The following DSG4 variants were observed in gnomAD, a reference collection of about 807,000 sequenced individuals.
DSG4 encodes the protein desmoglein-4.
DSG4 carries 87 observed loss-of-function variants against 93.1 expected under a neutral mutation model. The ratio of observed to expected loss-of-function variants is 0.93; its 90% CI spans 0.79 to 1.12. The LOEUF (loss-of-function observed/expected upper bound fraction) is 1.12, where lower values mean the gene tolerates loss of function less well. Ranked by LOEUF, DSG4 falls within the 50% of genes most tolerant of loss-of-function variation. DSG4 has a pLI of 0.00. For missense variants in DSG4, 1,373 were observed against 1,285.7 expected (o/e 1.07, Z -1.04); for synonymous variants, 432 against 452.9 (o/e 0.95, Z 0.59).
chr18:31,401,708 C>T (rs2072369680), intron 10 of DSG4: 1 of 152,116 alleles, frequency 6.6e-6, no homozygotes, highest in African/African-American at 2.4e-5. Flanking sequence ...AAACCAGCTG[C>T]TGTAGAACCA....
chr18:31,386,345 A>G (rs1291640460), intron 2 of DSG4, among the ~76,000 whole-genome samples: 2 of 152,164 alleles, frequency 1.3e-5, no homozygotes, highest in East Asian at 1.9e-4. Context: ...TGAAAGCTCA[A>G]TGAAGGGTGA....
intron 1 of DSG4, among the ~76,000 whole-genome samples, chr18:31,380,893 C>G (rs1264309243): frequency 6.6e-6 from 1 of 151,996 alleles, no homozygotes; most frequent in African/African-American, 2.4e-5. Context: ...TGCTTAGAGT[C>G]TACATATCTT....
intron 1 of DSG4, among the ~76,000 whole-genome samples, chr18:31,379,018 C>T (rs4799569): frequency 0.71 from 107,910 of 152,010 alleles, 39,097 homozygotes; most frequent in East Asian, 0.9. Flanking sequence ...CCGCAAAGAG[C>T]ACTGTAAACA....
At chr18:31,392,041 T>G (rs937360610) in intron 7 of DSG4, 114 bp from the exon 8 acceptor site, 16 of 975,760 alleles carry the variant, frequency 1.6e-5, no homozygotes, top group Non-Finnish European at 2.5e-5. Flanking sequence ...TTAATAATGG[T>G]GCAAAAATCA....
chr18:31,385,078 C>T, intron 1 of DSG4, 58 bp from the exon 2 acceptor site: 9 of 1,379,476 alleles, frequency 6.5e-6, no homozygotes, highest in Non-Finnish European at 9.3e-6. Context: ...GTTTTTATGA[C>T]ATGGCTTCCT....
At chr18:31,402,175 C>G (rs372612897) in intron 10 of DSG4, among the ~76,000 whole-genome samples, 1 of 152,178 alleles carries the variant, frequency 6.6e-6, no homozygotes, top group African/African-American at 2.4e-5. Context: ...AGAAACAAAG[C>G]TGATTGTTTA....
At chr18:31,392,693 GA>G (rs1331697687) in intron 8 of DSG4, among the ~76,000 whole-genome samples, 1 of 152,134 alleles carries the variant, frequency 6.6e-6, no homozygotes, top group Non-Finnish European at 1.5e-5. Context: ...AGTGGAATAT[GA>G]AATAATGAAA....
At chr18:31,387,289 G>A (rs2072198718) in intron 3 of DSG4, among the ~76,000 whole-genome samples, 1 of 152,108 alleles carries the variant, frequency 6.6e-6, no homozygotes, top group South Asian at 2.1e-4. Context: ...TGAAAAGGAA[G>A]GAGAGTTAAA....
chr18:31,408,296 C>T (rs2072449596), intron 12 of DSG4, among the ~76,000 whole-genome samples: 2 of 152,150 alleles, frequency 1.3e-5, no homozygotes, highest in South Asian at 4.1e-4. Context: ...TAGATAGTGC[C>T]TTTGTTAGAG....
intron 5 of DSG4, among the ~76,000 whole-genome samples, chr18:31,389,575 C>T (rs2072226614): frequency 6.6e-6 from 1 of 152,022 alleles, no homozygotes; most frequent in South Asian, 2.1e-4. Context: ...TATTAATTCT[C>T]CTGAACTTCT....
chr18:31,390,910 T>G, intron 6 of DSG4, 88 bp downstream of exon 6: 2 of 1,528,864 alleles, frequency 1.3e-6, no homozygotes, highest in Non-Finnish European at 1.8e-6. Flanking sequence ...CTTACTCCAA[T>G]ATAAAGGAGG....
At chr18:31,392,033 A>T in intron 7 of DSG4, 122 bp from the exon 8 acceptor site, 1 of 893,136 alleles carries the variant, frequency 1.1e-6, no homozygotes. Flanking sequence ...ATGGGCATTT[A>T]ATAATGGTGC....
At position 31,413,475 on chromosome 18, in the gene DSG4, T is replaced by G. The variant is rs777143299; in HGVS notation, c.3003T>G (p.Ile1001Met). ...MSGNILVGPE[I>M]QVMQMMSPDL... is the part of the protein sequence containing the mutation. Reference sequence around the variant, plus strand: ...GCAATATTTTAGTAGGGCCAGAAATTCAAGTGATGCAAATGATGAGTCCAG... The same window carrying G: ...GCAATATTTTAGTAGGGCCAGAAATGCAAGTGATGCAAATGATGAGTCCAG... Residue 1001 changes from isoleucine (I) to methionine (M), a missense_variant, in exon 16 of 16, where the codon ATT becomes ATG. Physicochemically the swap from Ile to Met is conservative, Grantham distance 10. Transcript: ENST00000308128. 3.7e-6 allele frequency: 6 copies of G among 1,612,006 alleles called. No homozygotes were observed. The highest frequency in any genetic ancestry group is 5.1e-6 in the Non-Finnish European group (6 of 1,178,408).
chr18:31,405,419 T>C (rs896241948), intron 11 of DSG4, among the ~76,000 whole-genome samples: 1 of 152,164 alleles, frequency 6.6e-6, no homozygotes, highest in African/African-American at 2.4e-5. Context: ...TTCAGCTCAA[T>C]ATTATTTATT....
chr18:31,390,519 T>A, intron 5 of DSG4, 137 bp from the exon 6 acceptor site: 1 of 975,630 alleles, frequency 1.0e-6, no homozygotes, highest in South Asian at 1.4e-5. Context: ...CTGAAAGTTA[T>A]GGTACTATAT....
intron 14 of DSG4, 35 bp downstream of exon 14, chr18:31,409,843 A>G: frequency 6.2e-7 from 1 of 1,612,112 alleles, no homozygotes; most frequent in South Asian, 1.1e-5. Flanking sequence ...TTCCTTTTAA[A>G]TTTTTCAAAA....
At chr18:31,396,450 A>T (rs2072306808) in intron 8 of DSG4, among the ~76,000 whole-genome samples, 1 of 145,966 alleles carries the variant, frequency 6.9e-6, no homozygotes, top group African/African-American at 2.6e-5. Context: ...CCTCCTCCCA[A>T]GTTCAAGCAA....
In DSG4 at chr18:31,385,232, T is replaced by A. The variant is rs189806444; in HGVS notation, c.84+61T>A. 3,212 of 1,161,100 alleles carry A rather than the reference T, an allele frequency of 2.8e-3. 9 individuals are homozygous for A. Among genetic ancestry groups the A allele is most frequent in the Non-Finnish European group, 3.0e-3 (2,466 of 809,754 alleles). 71.9% of individuals were successfully genotyped at this position (1,161,100 alleles called of 1,614,324 possible). ...TTAAAACAAAAACTGAATTTTGTAA[T>A]GTATTATATATAAAAATCAGAATAT... On this transcript the variant is annotated intron_variant, in intron 2 of 15. Coordinates refer to ENST00000308128, the MANE Select transcript of DSG4 (RefSeq NM_177986.5).
At chr18:31,383,658 C>A (rs1227776850) in intron 1 of DSG4, among the ~76,000 whole-genome samples, 1 of 152,102 alleles carries the variant, frequency 6.6e-6, no homozygotes, top group Non-Finnish European at 1.5e-5. Flanking sequence ...TCAAGTCAAT[C>A]TACCTCAGCG....
Sources: gnomAD v4.1 joint callset for allele counts (sites outside exome capture counted in the v4.1 genomes callset) on GRCh38, gnomAD v4.1.1 for gene constraint, MANE v1.5 for transcripts, NCBI Gene and HGNC (gene_info 2026-07-23, HGNC 2026-07-21) for gene names.